GCC2: variants seen among roughly 807,000 people sequenced by gnomAD.
GCC2 encodes GRIP and coiled-coil domain-containing protein 2.
A neutral mutation model predicts 210.6 loss-of-function variants in GCC2; 120 were observed. The observed-to-expected ratio is 0.57, with a 90% CI of 0.49 to 0.66. The LOEUF (loss-of-function observed/expected upper bound fraction) is 0.66, where lower values mean the gene tolerates loss of function less well. GCC2 is among the 30% of genes least tolerant of loss of function. The pLI is 0.00. For synonymous variants in GCC2, 703 were observed against 652.7 expected, an observed-to-expected ratio of 1.08 and a Z score of -1.17; for missense variants, 1,868 against 1,871.9, an observed-to-expected ratio of 1.00 and a Z score of 0.04.
chr2:108,449,759 G>T, intron 2 of GCC2, 70 bp downstream of exon 2: 1 of 1,186,340 alleles, frequency 8.4e-7, no homozygotes, highest in Non-Finnish European at 1.2e-6. Flanking sequence ...ACTTTGGCAT[G>T]GGGAAGGGGG....
chr2:108,461,499 A>AT (rs148248540), intron 4 of GCC2, among the ~76,000 whole-genome samples: 1 of 151,802 alleles, frequency 6.6e-6, no homozygotes, highest in African/African-American at 2.4e-5. Flanking sequence ...GTTTTCTGGT[A>AT]TTTTTTGGTT....
chr2:108,465,754 A>G (rs1275271673), intron 4 of GCC2, among the ~76,000 whole-genome samples: 5 of 152,190 alleles, frequency 3.3e-5, no homozygotes, highest in African/African-American at 1.2e-4. Context: ...TTAGCTCTTT[A>G]AGGTATCTCC....
intron 4 of GCC2, among the ~76,000 whole-genome samples, chr2:108,462,422 A>T (rs1007353860): frequency 6.7e-6 from 1 of 148,198 alleles, no homozygotes; most frequent in Non-Finnish European, 1.5e-5. Context: ...TGAACCCGGG[A>T]GGCAGAGCTT....
rs1388469386 is a variant in GCC2, at chr2:108,490,383, A to G, written c.4229+369A>G. Among the ~76,000 whole-genome samples the G allele has an allele frequency of 2.0e-5, 3 of 152,220 alleles. No homozygotes were observed. In the East Asian group the frequency reaches 5.8e-4, roughly 29 times the overall value. ...AAATAGTTGCTAACTGAAAAAGAAT[A>G]TGCAAGTTATCTTTGCAATTCTGTC... On this transcript the variant is annotated intron_variant, in intron 18 of 22. Coordinates refer to ENST00000309863, the MANE Select transcript of GCC2 (RefSeq NM_181453.4).
intron 17 of GCC2, 151 bp downstream of exon 17, chr2:108,487,971 A>G (rs553191766): frequency 1.1e-5 from 8 of 719,302 alleles, no homozygotes; most frequent in East Asian, 3.3e-5. Flanking sequence ...CAGTGGTGCA[A>G]TCTCAGCTCA....
chr2:108,485,604 T>A, intron 13 of GCC2, 32 bp from the exon 14 acceptor site: 1 of 1,144,742 alleles, frequency 8.7e-7, no homozygotes, highest in Non-Finnish European at 1.3e-6. Flanking sequence ...AATTGTTACA[T>A]CTTTTTCTGC....
intron 17 of GCC2, among the ~76,000 whole-genome samples, chr2:108,489,226 T>G (rs912134352): frequency 6.6e-6 from 1 of 152,172 alleles, no homozygotes; most frequent in Admixed American, 6.5e-5. Flanking sequence ...TTAAGAACTG[T>G]GTGAGTGCGC....
chr2:108,495,010 C>T (rs1306585028), intron 19 of GCC2: 4 of 188,156 alleles, frequency 2.1e-5, no homozygotes, highest in Admixed American at 1.2e-4. Context: ...TAGGGTTTCA[C>T]CATCTTGGCC....
chr2:108,496,863 T>C (rs1682667492), intron 20 of GCC2, 107 bp from the exon 21 acceptor site: 2 of 1,471,870 alleles, frequency 1.4e-6, no homozygotes, highest in Admixed American at 2.2e-5. Context: ...AAAGCAGACC[T>C]ATAAAATATC....
At chr2:108,449,941 A>G (rs1265261881) in intron 2 of GCC2, 3 of 506,716 alleles carry the variant, frequency 5.9e-6, no homozygotes, top group Non-Finnish European at 1.1e-5. Context: ...TTCGAACATA[A>G]AGCAGTCTAA....
intron 22 of GCC2, among the ~76,000 whole-genome samples, chr2:108,507,122 C>T (rs1484992606): frequency 3.3e-5 from 5 of 152,114 alleles, no homozygotes; most frequent in Non-Finnish European, 7.4e-5. Flanking sequence ...TGGATGGGTA[C>T]AGTGGCTCGT....
chr2:108,472,951 A>T, intron 7 of GCC2, 52 bp downstream of exon 7: 1 of 1,003,562 alleles, frequency 1.0e-6, no homozygotes. Flanking sequence ...GATTCTTCTT[A>T]GTGTTAGAAT....
intron 4 of GCC2, among the ~76,000 whole-genome samples, chr2:108,456,190 T>C (rs1680267054): frequency 6.6e-6 from 1 of 152,160 alleles, no homozygotes; most frequent in Non-Finnish European, 1.5e-5. Context: ...TTTCACCATA[T>C]TAGCCAGGAT....
chr2:108,480,002 A>C (rs1681761911), intron 9 of GCC2, among the ~76,000 whole-genome samples: 1 of 123,176 alleles, frequency 8.1e-6, no homozygotes, highest in Non-Finnish European at 1.8e-5. Context: ...AAAAAAAAAA[A>C]AAAAAAACGA....
At chr2:108,491,712 G>T (rs1682409827) in intron 18 of GCC2, among the ~76,000 whole-genome samples, 1 of 151,744 alleles carries the variant, frequency 6.6e-6, no homozygotes, top group African/African-American at 2.4e-5. Flanking sequence ...GACGGCTTTT[G>T]TATTTTTTAA....
At chr2:108,469,259 CAG>C in intron 5 of GCC2, 175 bp downstream of exon 5, 2 of 467,344 alleles carry the variant, frequency 4.3e-6, no homozygotes, top group South Asian at 9.1e-5. Flanking sequence ...TATACAGCAA[CAG>C]AGGTGACATT....
At chr2:108,491,685 C>G (rs1244396800) in intron 18 of GCC2, among the ~76,000 whole-genome samples, 2 of 151,860 alleles carry the variant, frequency 1.3e-5, no homozygotes, top group African/African-American at 4.8e-5. Flanking sequence ...TAATAAGGGG[C>G]TTTTACTTTT....
Position 108,487,748 on chromosome 2 carries a change from T to C in GCC2, c.3980T>C (p.Val1327Ala), listed in dbSNP as rs752379912. Reference sequence around the variant, plus strand: ...GAATTCGAGAGCTACAAAGTCCGAGTTCATAATGTTCTAAAACAACAGAAA... The same window carrying C: ...GAATTCGAGAGCTACAAAGTCCGAGCTCATAATGTTCTAAAACAACAGAAA... ...TSEFESYKVR[V>A]HNVLKQQKNK... The change falls in exon 17 of 23, where the codon GTT (valine) becomes GCT (alanine). Residue 1327 changes from valine (V) to alanine (A), a missense_variant. Around this residue, in one of 3 missense-constraint regions of GCC2, gnomAD observed 1,847 missense variants for 1,765.2 expected, o/e 1.05. Coordinates refer to ENST00000309863, the MANE Select transcript of GCC2 (RefSeq NM_181453.4). 6.2e-7 allele frequency: 1 copy of C among 1,613,146 alleles called. No individual in the cohort carries two copies. Among genetic ancestry groups the C allele is most frequent in the Non-Finnish European group, 8.5e-7 (1 of 1,179,344 alleles).
chr2:108,489,948 C>T lies in GCC2; in HGVS notation c.4163C>T (p.Thr1388Ile), dbSNP rs781465261. 8.1e-6 allele frequency: 13 copies of T among 1,611,892 alleles called. No homozygotes were observed. The Admixed American group carries it at 2.0e-4, about 25-fold the overall frequency. Residue 1388 changes from threonine to isoleucine, a missense_variant, in exon 18 of 23, where the codon ACA (threonine) becomes ATA (isoleucine). Around this residue, in one of 3 missense-constraint regions of GCC2, gnomAD observed 1,847 missense variants for 1,765.2 expected, o/e 1.05. Transcript: ENST00000309863. ...ELQTLQSEHD[T>I]LLERHNKMLQ... ...CAAACATTGCAGTCTGAACATGATA[C>T]ACTGCTAGAAAGGCACAACAAGATG...
Sources: allele counts gnomAD v4.1 joint callset (sites outside exome capture counted in the v4.1 genomes callset), GRCh38; gene constraint gnomAD v4.1.1; regional missense constraint gnomAD v4.1.1; transcripts MANE v1.5; gene names NCBI Gene and HGNC (gene_info 2026-07-23, HGNC 2026-07-21).